The following SCARA3 variants were observed in gnomAD, a reference collection of about 807,000 sequenced individuals.
SCARA3 encodes the protein scavenger receptor class A member 3.
Under a neutral mutation model 47.0 loss-of-function variants are expected in SCARA3, and 39 were observed. That is an observed-to-expected ratio of 0.83 (90% CI 0.64 to 1.08). The LOEUF is 1.08. SCARA3 is among the 50% of genes least tolerant of loss of function. The pLI is 0.00. For missense variants in SCARA3, 724 were observed against 792.3 expected (o/e 0.91, Z 1.04); for synonymous variants, 356 against 334.1 (o/e 1.07, Z -0.71).
intron 1 of SCARA3, among the ~76,000 whole-genome samples, chr8:27,639,431 G>T (rs551214549): frequency 6.6e-6 from 1 of 152,302 alleles, no homozygotes; most frequent in Admixed American, 6.5e-5. Context: ...GGAGCTGAAG[G>T]GTGGGGAGGA....
At chr8:27,726,229 A>G in the SCARA3 span, among the ~76,000 whole-genome samples, 1 of 151,478 alleles carries the variant, frequency 6.6e-6, no homozygotes, top group Admixed American at 6.6e-5. Context: ...TGACATAGCA[A>G]GACCTGCATC....
intron 4 of SCARA3, among the ~76,000 whole-genome samples, chr8:27,657,862 C>T (rs961342327): frequency 5.9e-5 from 9 of 152,122 alleles, no homozygotes; most frequent in Non-Finnish European, 1.0e-4. Flanking sequence ...CAGTCTTGCT[C>T]CCACTTATAA....
At chr8:27,659,616 TG>T (rs1183971391) in intron 5 of SCARA3, 77 bp downstream of exon 5, 4 of 1,305,952 alleles carry the variant, frequency 3.1e-6, no homozygotes, top group African/African-American at 3.0e-5. Context: ...CAGAAGTACC[TG>T]GTTTTAGGCA....
intron 1 of SCARA3, among the ~76,000 whole-genome samples, chr8:27,636,576 C>G (rs188185662): frequency 2.6e-5 from 4 of 152,306 alleles, no homozygotes; most frequent in Admixed American, 2.6e-4. Context: ...GTTCCAGGCT[C>G]TCCTTGTGCT....
At chr8:27,686,139 T>C in the SCARA3 span, among the ~76,000 whole-genome samples, 1 of 152,128 alleles carries the variant, frequency 6.6e-6, no homozygotes, top group Admixed American at 6.5e-5. Context: ...TATTATTAGA[T>C]TATGTTAAGA....
chr8:27,676,310 G>A (rs1802276507), downstream of SCARA3, among the ~76,000 whole-genome samples: 1 of 152,206 alleles, frequency 6.6e-6, no homozygotes, highest in South Asian at 2.1e-4. Flanking sequence ...GGGCTGCTGG[G>A]TTTCCCGGTT....
the SCARA3 span, among the ~76,000 whole-genome samples, chr8:27,729,918 T>C: frequency 1.2e-4 from 19 of 152,122 alleles, no homozygotes; most frequent in Non-Finnish European, 2.8e-4. Flanking sequence ...CAGTAGACAG[T>C]GCATTAAATA....
chr8:27,669,093 A>T (rs1458642139), intron 5 of SCARA3, among the ~76,000 whole-genome samples: 1 of 151,876 alleles, frequency 6.6e-6, no homozygotes, highest in Non-Finnish European at 1.5e-5. Context: ...AGTACCAGGG[A>T]GCTGGGGACA....
chr8:27,656,890 T>A lies in SCARA3; in HGVS notation c.325+10T>A. 6.5e-7 allele frequency: 1 copy of A among 1,530,920 alleles called. No individual in the cohort carries two copies. Among genetic ancestry groups the A allele is most frequent in the Non-Finnish European group, 9.1e-7 (1 of 1,103,938 alleles). The allele number at this position is 1,530,920 out of a possible 1,614,324, so 94.8% of individuals were successfully genotyped here. ...AATCTCCAGGGCCTGGGTAAGTAGA[T>A]GGGCTGATGACTGTGATGCAGTGAT... is the stretch of plus-strand genomic sequence containing the variant. On this transcript the variant is annotated intron_variant, in intron 4 of 5. Coordinates refer to ENST00000301904, the MANE Select transcript of SCARA3 (RefSeq NM_016240.3).
chr8:27,685,501 T>G, the SCARA3 span, among the ~76,000 whole-genome samples: 1 of 152,178 alleles, frequency 6.6e-6, no homozygotes, highest in Non-Finnish European at 1.5e-5. Flanking sequence ...AGAAAATACC[T>G]AAATAGATGC....
rs1442932253 is a variant in SCARA3 at position 27,658,891 on chromosome 8, A to G, written c.721A>G (p.Thr241Ala). The stretch of plus-strand genomic sequence containing the variant: ...GTGGATCCACGGGATCCAGCGGAAG[A>G]CAGACGAGGAGACCCTGACCCTCCA... Reference protein sequence around the residue: ...SEWIHGIQRKTDEETLTLQKI... With the variant: ...SEWIHGIQRKADEETLTLQKI... Residue 241 changes from threonine (T) to alanine (A), a missense_variant, in exon 5 of 6, where the codon ACA (threonine) becomes GCA (alanine). Thr to Ala is a moderately conservative substitution (Grantham distance 58). Coordinates refer to ENST00000301904, the MANE Select transcript of SCARA3 (RefSeq NM_016240.3). The G allele has an allele frequency of 6.2e-7, 1 of 1,614,164 alleles. No individual in the cohort carries two copies. Among genetic ancestry groups the G allele is most frequent in the South Asian group, 1.1e-5 (1 of 91,080 alleles).
the SCARA3 span, among the ~76,000 whole-genome samples, chr8:27,720,367 G>T: frequency 0.033 from 5,052 of 151,920 alleles, 277 homozygotes; most frequent in East Asian, 0.21. Flanking sequence ...TTACAAACAC[G>T]AAATTAGAGA....
At chr8:27,710,525 G>A in the SCARA3 span, among the ~76,000 whole-genome samples, 1 of 152,120 alleles carries the variant, frequency 6.6e-6, no homozygotes, top group African/African-American at 2.4e-5. Context: ...TTAAGTACCC[G>A]GATGAACGAA....
At chr8:27,665,132 A>C (rs559323753) in intron 5 of SCARA3, among the ~76,000 whole-genome samples, 1 of 152,302 alleles carries the variant, frequency 6.6e-6, no homozygotes, top group Non-Finnish European at 1.5e-5. Flanking sequence ...AGCCATGTGG[A>C]AGGTGCCAAG....
rs1284996476 is a variant in SCARA3 at position 27,647,899 on chromosome 8, T to C, written c.8-1803T>C. Among the ~76,000 whole-genome samples the C allele has an allele frequency of 3.9e-5, 6 of 152,188 alleles. No homozygotes were observed. The East Asian group carries it at 1.2e-3, about 29-fold the overall frequency. On this transcript the variant is annotated intron_variant, in intron 1 of 5. Transcript: ENST00000301904. Reference sequence around the variant, plus strand: ...AGCGCCTTGCCAACTGCATCTCAGCTCCTATGTTGATCACAATGGCCGTGG... The same window carrying C: ...AGCGCCTTGCCAACTGCATCTCAGCCCCTATGTTGATCACAATGGCCGTGG...
intron 5 of SCARA3, among the ~76,000 whole-genome samples, chr8:27,660,862 A>C (rs900191206): frequency 2.0e-5 from 3 of 151,996 alleles, no homozygotes; most frequent in Non-Finnish European, 2.9e-5. Context: ...AGATAGATAG[A>C]TAGATAGATA....
Position 27,671,641 on chromosome 8 carries a change from T to G in SCARA3, c.*290T>G. On this transcript the variant is annotated 3_prime_UTR_variant, in exon 6 of 6. Coordinates refer to ENST00000301904, the MANE Select transcript of SCARA3 (RefSeq NM_016240.3). ...GCACACATACACAGGCATACATGCA[T>G]GCACACACACATGCACGCACACACA... The G allele has an allele frequency of 3.5e-6, 4 of 1,129,314 alleles. No homozygotes were observed. The highest frequency in any genetic ancestry group is 4.4e-6 in the Non-Finnish European group (4 of 917,148). 70.0% of individuals were successfully genotyped at this position (1,129,314 alleles called of 1,614,324 possible).
chr8:27,714,444 C>T, the SCARA3 span, among the ~76,000 whole-genome samples: 3 of 152,082 alleles, frequency 2.0e-5, no homozygotes, highest in Admixed American at 1.3e-4. Context: ...CCACCCGCCT[C>T]GGCCTCCCAA....
At chr8:27,712,487 C>T in the SCARA3 span, among the ~76,000 whole-genome samples, 2 of 137,272 alleles carry the variant, frequency 1.5e-5, no homozygotes, top group Non-Finnish European at 3.0e-5. Context: ...GGCGTGAACC[C>T]GGGAGGCGGA....
Sources: gnomAD v4.1 joint callset for allele counts (sites outside exome capture counted in the v4.1 genomes callset) on GRCh38, gnomAD v4.1.1 for gene constraint, MANE v1.5 for transcripts, NCBI Gene and HGNC (gene_info 2026-07-23, HGNC 2026-07-21) for gene names.